SLIT3: variants seen among roughly 807,000 people sequenced by gnomAD.
SLIT3 encodes the protein slit homolog 3 protein.
Under a neutral mutation model 184.0 loss-of-function variants are expected in SLIT3, and 68 were observed. That is an observed-to-expected ratio of 0.37 (90% CI 0.30 to 0.45). SLIT3 has a LOEUF of 0.45. Ranked by LOEUF, SLIT3 falls within the 20% of genes least tolerant of loss-of-function variation. The pLI is 1.00. For synonymous variants in SLIT3, 831 were observed against 828.6 expected, an observed-to-expected ratio of 1.00 and a Z score of -0.05; for missense variants, 1,707 against 2,026.0, an observed-to-expected ratio of 0.84 and a Z score of 3.02.
At chr5:169,199,512 T>A (rs1763849751) in intron 3 of SLIT3, among the ~76,000 whole-genome samples, 1 of 152,194 alleles carries the variant, frequency 6.6e-6, no homozygotes, top group African/African-American at 2.4e-5. Flanking sequence ...AAATATGTTT[T>A]GACAGCTAAT....
In SLIT3 at chr5:168,692,628, A is replaced by G; in HGVS notation, c.3155T>C (p.Ile1052Thr). 6.2e-7 allele frequency: 1 copy of G among 1,613,416 alleles called. No homozygotes were observed. Among genetic ancestry groups the G allele is most frequent in the South Asian group, 1.1e-5 (1 of 91,026 alleles). The stretch of plus-strand genomic sequence containing the variant: ...TTACCTGAATCCTTTGTCCAGGGGG[A>G]TGCACTTGGCCTCATGCTGACAGAG... ...LNLCQHEAKC[I>T]PLDKGFSCEC... Residue 1052 changes from isoleucine to threonine, a missense_variant, in exon 29 of 36, where the codon ATC (isoleucine) becomes ACC (threonine). Ile to Thr is a moderately conservative substitution (Grantham distance 89). This residue lies in a region of SLIT3 where 1,307 missense variants were observed against 1,511.6 expected (regional missense o/e 0.86). Transcript: ENST00000519560.
chr5:169,248,854 C>A (rs1402095001), intron 2 of SLIT3, among the ~76,000 whole-genome samples: 1 of 152,158 alleles, frequency 6.6e-6, no homozygotes, highest in Non-Finnish European at 1.5e-5. Context: ...ATGTCCTGGG[C>A]AATTCTTCTA....
intron 1 of SLIT3, among the ~76,000 whole-genome samples, chr5:169,295,893 G>A (rs147963260): frequency 1.3e-5 from 2 of 152,296 alleles, no homozygotes; most frequent in East Asian, 1.9e-4. Context: ...TCAGGATGAC[G>A]CTGATGAGTT....
At chr5:169,140,653 AAGT>A (rs1346837563) in intron 4 of SLIT3, among the ~76,000 whole-genome samples, 1 of 151,974 alleles carries the variant, frequency 6.6e-6, no homozygotes, top group Admixed American at 6.6e-5. Flanking sequence ...AGAGAGAAAA[AAGT>A]AGCTGGGCAT....
At chr5:169,271,255 C>T (rs1450899531) in intron 1 of SLIT3, among the ~76,000 whole-genome samples, 1 of 152,166 alleles carries the variant, frequency 6.6e-6, no homozygotes, top group East Asian at 1.9e-4. Flanking sequence ...ATGAAAGAGG[C>T]TAACTTCGAA....
At chr5:168,946,401 A>T (rs1448474146) in intron 4 of SLIT3, among the ~76,000 whole-genome samples, 3 of 152,186 alleles carry the variant, frequency 2.0e-5, no homozygotes, top group African/African-American at 7.2e-5. Context: ...GGCTGGAGAC[A>T]TTGGGCCCCA....
intron 4 of SLIT3, among the ~76,000 whole-genome samples, chr5:168,940,751 T>C (rs559829514): frequency 6.6e-6 from 1 of 152,290 alleles, no homozygotes; most frequent in East Asian, 1.9e-4. Context: ...GCCTAATAAA[T>C]TGAAAGCTGC....
At chr5:168,886,835 C>A (rs1223346421) in intron 4 of SLIT3, among the ~76,000 whole-genome samples, 1 of 152,086 alleles carries the variant, frequency 6.6e-6, no homozygotes, top group Non-Finnish European at 1.5e-5. Context: ...AGTGCATTTT[C>A]CAGCTTCCGG....
At position 168,817,397 on chromosome 5, in the gene SLIT3, C is replaced by G. The variant is rs760939881; in HGVS notation, c.696G>C (p.Gln232His). Reference sequence around the variant, plus strand: ...GTGTGAACTGGCCAACTGTCCGTCGCTGTCGCAGCCAATCCGAGAGCCAGG... The same window carrying G: ...GTGTGAACTGGCCAACTGTCCGTCGGTGTCGCAGCCAATCCGAGAGCCAGG... Reference protein sequence around the residue: ...HLAWLSDWLRQRRTVGQFTLC... With the variant: ...HLAWLSDWLRHRRTVGQFTLC... Residue 232 changes from glutamine (Q) to histidine (H), a missense_variant, in exon 8 of 36, where the codon CAG becomes CAC. Around this residue, in one of 3 missense-constraint regions of SLIT3, gnomAD observed 1,307 missense variants for 1,511.6 expected, o/e 0.86. Transcript: ENST00000519560. 4 of 1,614,244 alleles carry G rather than the reference C, an allele frequency of 2.5e-6. No individual in the cohort carries two copies. Among genetic ancestry groups the G allele is most frequent in the Non-Finnish European group, 3.4e-6 (4 of 1,180,048 alleles).
chr5:169,138,296 T>G (rs73315637), intron 4 of SLIT3, among the ~76,000 whole-genome samples: 3 of 152,150 alleles, frequency 2.0e-5, no homozygotes, highest in African/African-American at 7.2e-5. Context: ...CAATGACTGG[T>G]GGACGGAAAA....
intron 4 of SLIT3, 84 bp from the exon 5 acceptor site, chr5:168,883,420 C>CA: frequency 9.3e-7 from 1 of 1,074,338 alleles, no homozygotes; most frequent in Non-Finnish European, 1.4e-6. Flanking sequence ...CAATCCCCCC[C>CA]ACCCAGGCTG....
intron 4 of SLIT3, among the ~76,000 whole-genome samples, chr5:169,193,092 C>A (rs929942224): frequency 6.6e-6 from 1 of 152,292 alleles, no homozygotes; most frequent in African/African-American, 2.4e-5. Flanking sequence ...TTGCCATGTT[C>A]GGTCCAAACC....
At chr5:168,743,069 C>T (rs914055758) in intron 20 of SLIT3, among the ~76,000 whole-genome samples, 5 of 152,144 alleles carry the variant, frequency 3.3e-5, no homozygotes, top group African/African-American at 1.2e-4. Flanking sequence ...GAGGTTCACG[C>T]CATGTGCTAG....
intron 20 of SLIT3, among the ~76,000 whole-genome samples, chr5:168,725,501 G>A (rs1182603752): frequency 6.6e-6 from 1 of 152,176 alleles, no homozygotes; most frequent in East Asian, 1.9e-4. Flanking sequence ...GTGATCTAAA[G>A]CTCCCATAGC....
chr5:169,109,214 G>A (rs1199175514), intron 4 of SLIT3, among the ~76,000 whole-genome samples: 1 of 152,196 alleles, frequency 6.6e-6, no homozygotes, highest in Non-Finnish European at 1.5e-5. Flanking sequence ...CTGTCTCAGA[G>A]GACTGGAGAG....
intron 6 of SLIT3, among the ~76,000 whole-genome samples, chr5:168,837,922 G>C (rs1049444310): frequency 1.3e-5 from 2 of 152,272 alleles, no homozygotes; most frequent in South Asian, 4.1e-4. Flanking sequence ...TTCTATGAGA[G>C]GACTCTAACC....
At chr5:169,220,051 C>A (rs1243521133) in intron 3 of SLIT3, among the ~76,000 whole-genome samples, 2 of 152,128 alleles carry the variant, frequency 1.3e-5, no homozygotes, top group African/African-American at 4.8e-5. Flanking sequence ...GGGATCCTGT[C>A]CCAGCCCCCA....
At chr5:169,285,717 G>C (rs1243044405) in intron 1 of SLIT3, among the ~76,000 whole-genome samples, 5 of 152,196 alleles carry the variant, frequency 3.3e-5, no homozygotes, top group Non-Finnish European at 7.3e-5. Context: ...GGAAGCTCAA[G>C]CCACATAGAG....
intron 4 of SLIT3, among the ~76,000 whole-genome samples, chr5:169,127,403 A>T (rs1761121256): frequency 6.6e-6 from 1 of 152,210 alleles, no homozygotes; most frequent in South Asian, 2.1e-4. Context: ...TTGCCCAGGC[A>T]CAGACAAAAT....
Sources: allele counts gnomAD v4.1 joint callset (sites outside exome capture counted in the v4.1 genomes callset), GRCh38; gene constraint gnomAD v4.1.1; regional missense constraint gnomAD v4.1.1; transcripts MANE v1.5; gene names NCBI Gene and HGNC (gene_info 2026-07-23, HGNC 2026-07-21).